The following YIF1A variants were observed in gnomAD, a reference collection of about 807,000 sequenced individuals.
The protein encoded by YIF1A is protein YIF1A.
A neutral mutation model predicts 32.6 loss-of-function variants in YIF1A; 28 were observed. The observed-to-expected ratio is 0.86, with a 90% CI of 0.64 to 1.18. The LOEUF is 1.18. Among genes scored for constraint, YIF1A ranks in the 50% most tolerant of loss-of-function variants. The probability of loss-of-function intolerance (pLI) is 0.00; values close to 1 mark genes in which losing one functional copy is unlikely to be tolerated. For missense variants in YIF1A, 373 were observed against 390.8 expected, an observed-to-expected ratio of 0.95 and a Z score of 0.38; for synonymous variants, 175 against 162.2, an observed-to-expected ratio of 1.08 and a Z score of -0.60.
intron 1 of YIF1A, 73 bp downstream of exon 1, chr11:66,288,882 C>G: frequency 7.0e-7 from 1 of 1,422,958 alleles, no homozygotes; most frequent in Non-Finnish European, 9.1e-7. Flanking sequence ...CGCTATCTCC[C>G]TCGGGGTGAG....
chr11:66,284,915 G>A lies in YIF1A; in HGVS notation c.693C>T (p.Tyr231=), dbSNP rs758885019. 3.2e-5 allele frequency: 51 copies of A among 1,613,222 alleles called. No homozygotes were observed. The highest frequency in any genetic ancestry group is 1.2e-4 in the South Asian group (11 of 91,092). The change falls in exon 7 of 8, where the codon TAC becomes TAT. Residue 231 remains tyrosine, a synonymous_variant. Coordinates refer to ENST00000376901, the MANE Select transcript of YIF1A (RefSeq NM_020470.3). ...TGLLFGSDGY[Y]VALAWTSSAL... is the part of the protein sequence containing the mutation. ...CCGATGAGGTCCAGGCCAGCGCCAC[G>A]TAGTAGCCATCGCTGCCGAACAGCA...
rs1857323114 is a variant in YIF1A, at chr11:66,284,711, G to C, written c.808C>G (p.Leu270Val). The change falls in exon 8 of 8, where the codon CTC becomes GTC. Residue 270 changes from leucine to valine, a missense_variant. Physicochemically the swap from Leu to Val is conservative, Grantham distance 32. Coordinates refer to ENST00000376901, the MANE Select transcript of YIF1A (RefSeq NM_020470.3). ...GCTGCAGCTCCCAGAGTCAGGTAGA[G>C]CTGGAGACGCTGCCGGGGGACGGGG... ...GGPVPRQRLQ[L>V]YLTLGAAAFQ... The C allele has an allele frequency of 1.2e-6, 2 of 1,612,642 alleles. No individual in the cohort carries two copies.
intron 3 of YIF1A, 32 bp from the exon 4 acceptor site, chr11:66,287,708 C>A (rs199683871): frequency 5.0e-6 from 8 of 1,611,184 alleles, no homozygotes; most frequent in Non-Finnish European, 3.4e-6. Context: ...GCGGCCACAT[C>A]AGGAGGGGAA....
Position 66,285,461 on chromosome 11 carries a change from G to C in YIF1A, c.561C>G (p.Leu187=). 1.2e-6 allele frequency: 2 copies of C among 1,613,356 alleles called. No homozygotes were observed. The highest frequency in any genetic ancestry group is 2.7e-5 in the African/African-American group (2 of 75,066). The change falls in exon 6 of 8, where the codon CTC becomes CTG. Residue 187 remains leucine, a synonymous_variant. Transcript: ENST00000376901. The part of the protein sequence containing the change: ...VWVVMEVLAL[L]LGLYLATVRS... ...GCACGGTGGCCAGGTAGAGGCCCAGGAGCAGGGCCAGCACCTCCATCACCA... is the reference window on the plus strand; with the variant it reads ...GCACGGTGGCCAGGTAGAGGCCCAGCAGCAGGGCCAGCACCTCCATCACCA...
At chr11:66,285,658 A>T in intron 5 of YIF1A, 43 bp downstream of exon 5, 3 of 1,612,394 alleles carry the variant, frequency 1.9e-6, no homozygotes, top group Non-Finnish European at 1.7e-6. Flanking sequence ...TTGGGAGAAG[A>T]GCTCACAGGG....
Position 66,284,606 on chromosome 11 carries a change from G to A in YIF1A, c.*31C>T, listed in dbSNP as rs1857319691. On this transcript the variant is annotated 3_prime_UTR_variant, in exon 8 of 8. Coordinates refer to ENST00000376901, the MANE Select transcript of YIF1A (RefSeq NM_020470.3). ...CAAGGAAATCAAATCTTCAATGAAT[G>A]AAAAACTCAGTGCCATCTGGGGCCA... The A allele has an allele frequency of 6.2e-7, 1 of 1,608,304 alleles. No individual in the cohort carries two copies.
intron 6 of YIF1A, 24 bp from the exon 7 acceptor site, chr11:66,284,990 T>A: frequency 6.2e-7 from 1 of 1,611,792 alleles, no homozygotes; most frequent in Non-Finnish European, 8.5e-7. Flanking sequence ...GAGGAAAGGG[T>A]TGGTGACCCC....
At chr11:66,288,352 C>A in intron 1 of YIF1A, 60 bp from the exon 2 acceptor site, 8 of 1,600,368 alleles carry the variant, frequency 5.0e-6, no homozygotes, top group East Asian at 2.2e-5. Flanking sequence ...CCCAAACCAC[C>A]GCCCCTTCCC....
At position 66,288,854 on chromosome 11, in the gene YIF1A, C is replaced by T. The variant is rs893343989; in HGVS notation, c.31+101G>A. ...CAGGAACCCGAGTGACACCCCCGCC[C>T]TGGGCGGCGGTCCCAGTCGCTATCT... On this transcript the variant is annotated intron_variant, in intron 1 of 7. Transcript: ENST00000376901. 9.9e-5 allele frequency: 132 copies of T among 1,331,312 alleles called. 1 individual carries two copies. The highest frequency in any genetic ancestry group is 1.3e-4 in the Non-Finnish European group (129 of 1,027,096). The allele number at this position is 1,331,312 out of a possible 1,614,324, so 82.5% of individuals were successfully genotyped here. A position where few individuals can be genotyped will look rare whatever the true frequency, so the allele number is the denominator to read the frequency against.
chr11:66,285,524 C>G lies in YIF1A; in HGVS notation c.498G>C (p.Glu166Asp). 1 of 1,613,088 alleles carries G rather than the reference C, an allele frequency of 6.2e-7. No individual in the cohort carries two copies. The highest frequency in any genetic ancestry group is 8.5e-7 in the Non-Finnish European group (1 of 1,180,026). ...CTGTGCTTGCACACAGGCCCAGCACCTCCGGGGAGAACCTGCGCCAAAGCA... is the reference window on the plus strand; with the variant it reads ...CTGTGCTTGCACACAGGCCCAGCACGTCCGGGGAGAACCTGCGCCAAAGCA... ...ALGIQKRFSP[E>D]VLGLCASTAL... Residue 166 changes from glutamate (E) to aspartate (D), a missense_variant, in exon 6 of 8, where the codon GAG becomes GAC. Glu to Asp is a conservative substitution (Grantham distance 45). Coordinates refer to ENST00000376901, the MANE Select transcript of YIF1A (RefSeq NM_020470.3).
chr11:66,284,630 C>T lies in YIF1A; in HGVS notation c.*7G>A. On this transcript the variant is annotated 3_prime_UTR_variant, in exon 8 of 8. Coordinates refer to ENST00000376901, the MANE Select transcript of YIF1A (RefSeq NM_020470.3). ...TGAAAAACTCAGTGCCATCTGGGGC[C>T]AGGGGGTCACCGGACCAGGTGGAAA... The T allele has an allele frequency of 6.2e-7, 1 of 1,612,632 alleles. No homozygotes were observed. The highest frequency in any genetic ancestry group is 8.5e-7 in the Non-Finnish European group (1 of 1,179,870).
chr11:66,286,742 G>A (rs550551065), intron 4 of YIF1A, among the ~76,000 whole-genome samples: 2 of 152,358 alleles, frequency 1.3e-5, no homozygotes, highest in East Asian at 3.9e-4. Context: ...TGATACTGAA[G>A]CTCCTCTGAG....
At position 66,289,095 on chromosome 11, in the gene YIF1A, G is replaced by C. The variant is rs1305970974; in HGVS notation, c.-110C>G. The C allele has an allele frequency of 1.0e-5, 14 of 1,400,134 alleles. No individual in the cohort carries two copies. Among genetic ancestry groups the C allele is most frequent in the South Asian group, 1.4e-5 (1 of 69,120 alleles). The allele number at this position is 1,400,134 out of a possible 1,614,324, so 86.7% of individuals were successfully genotyped here. ...GTACCGACCGAGGCCACCCGGCCGC[G>C]CGACACGTCCCCCACCCCGCCGGTC... On this transcript the variant is annotated 5_prime_UTR_variant, in exon 1 of 8. Coordinates refer to ENST00000376901, the MANE Select transcript of YIF1A (RefSeq NM_020470.3).
rs778222387 is a variant in YIF1A at position 66,285,377 on chromosome 11, TCACCCCACGTATTTGTAGC to T, written c.626_641+3del. On this transcript the variant is annotated splice_donor_variant and splice_donor_region_variant and coding_sequence_variant and intron_variant, in exon 6 of 8. Transcript: ENST00000376901. LOFTEE classifies it high-confidence loss of function. ...CCACCTCCCCCTGGCCCACAAGTGC[TCACCCCACGTATTTGTAGC>T]CACTGTAGGCCAGCAGGTGAAAGGT... The T allele has an allele frequency of 6.2e-7, 1 of 1,609,264 alleles. No individual in the cohort carries two copies. The highest frequency in any genetic ancestry group is 8.5e-7 in the Non-Finnish European group (1 of 1,176,846).
chr11:66,285,623 G>A (rs940474108), intron 5 of YIF1A, 78 bp downstream of exon 5: 76 of 1,610,148 alleles, frequency 4.7e-5, no homozygotes, highest in Non-Finnish European at 6.1e-5. Flanking sequence ...GTGAGCTGGG[G>A]ACCACCACAT....
chr11:66,288,840 G>A, intron 1 of YIF1A, 115 bp downstream of exon 1: 6 of 1,224,562 alleles, frequency 4.9e-6, no homozygotes, highest in Non-Finnish European at 5.4e-6. Flanking sequence ...AGGAACCCGA[G>A]TGACACCCCC....
At position 66,288,212 on chromosome 11, in the gene YIF1A, C is replaced by G. The variant is rs571314754; in HGVS notation, c.112G>C (p.Gly38Arg). The G allele has an allele frequency of 3.7e-6, 6 of 1,614,064 alleles. No homozygotes were observed. The highest frequency in any genetic ancestry group is 1.3e-5 in the African/African-American group (1 of 75,050). The change falls in exon 2 of 8, where the codon GGG becomes CGG. Residue 38 changes from glycine to arginine, a missense_variant. Transcript: ENST00000376901. ...DTSGGYSSQP[G>R]GYPATGADVA... ...TCTGCTCCTGTGGCTGGGTATCCCCCGGGCTGGCTGGAATAACCACCGCTT... is the reference window on the plus strand; with the variant it reads ...TCTGCTCCTGTGGCTGGGTATCCCCGGGGCTGGCTGGAATAACCACCGCTT...
Position 66,288,137 on chromosome 11 carries a change from C to T in YIF1A, c.187G>A (p.Ala63Thr), listed in dbSNP as rs767933171. Reference protein sequence around the residue: ...HLLGDPMANVAMAYGSSIASH... With the variant: ...HLLGDPMANVTMAYGSSIASH... The stretch of plus-strand genomic sequence containing the variant: ...GCGATGGAGCTGCCATAGGCCATAG[C>T]CACATTGGCCATTGGGTCCCCAAGC... Residue 63 changes from alanine to threonine, a missense_variant, in exon 2 of 8, where the codon GCT (alanine) becomes ACT (threonine). Ala to Thr is a moderately conservative substitution (Grantham distance 58). Transcript: ENST00000376901. 3.5e-5 allele frequency: 56 copies of T among 1,614,028 alleles called. 1 individual carries two copies. In the South Asian group the frequency reaches 5.9e-4, roughly 17 times the overall value.
rs752032166 is a variant in YIF1A, at chr11:66,287,874, C to CA, written c.285dup (p.Ala96CysfsTer30). On this transcript the variant is annotated frameshift_variant, in exon 3 of 8. Transcript: ENST00000376901. LOFTEE classifies it high-confidence loss of function. The stretch of plus-strand genomic sequence containing the variant: ...TTGGCCACGTAGGCTGTGTCCACAG[C>CA]AAAAAAATACTTGAGTTTGCTCACA... 5.0e-6 allele frequency: 8 copies of CA among 1,613,744 alleles called. No homozygotes were observed. The highest frequency in any genetic ancestry group is 2.2e-5 in the East Asian group (1 of 44,862).
Sources: gnomAD v4.1 joint callset for allele counts (sites outside exome capture counted in the v4.1 genomes callset) on GRCh38, gnomAD v4.1.1 for gene constraint, MANE v1.5 for transcripts, NCBI Gene and HGNC (gene_info 2026-07-23, HGNC 2026-07-21) for gene names.